ASXL1: variants seen among roughly 807,000 people sequenced by gnomAD.
The protein encoded by ASXL1 is ASXL transcriptional regulator 1.
A neutral mutation model predicts 89.1 loss-of-function variants in ASXL1; 65 were observed. The ratio of observed to expected loss-of-function variants is 0.73; its 90% confidence interval spans 0.60 to 0.90. The LOEUF is 0.90. Ranked by LOEUF, ASXL1 falls within the 40% of genes least tolerant of loss-of-function variation. The pLI, the probability that ASXL1 is intolerant of heterozygous loss-of-function variation, is 0.00. For missense variants in ASXL1, 1,786 were observed against 1,942.9 expected (o/e 0.92, Z 1.52); for synonymous variants, 739 against 746.9 (o/e 0.99, Z 0.17).
chr20:32,362,418 C>CCT (rs1362022548), intron 1 of ASXL1, among the ~76,000 whole-genome samples: 102 of 152,226 alleles, frequency 6.7e-4, no homozygotes, highest in African/African-American at 2.3e-3. Flanking sequence ...GGGCGGATCA[C>CCT]GAGGTCAGGA....
intron 4 of ASXL1, among the ~76,000 whole-genome samples, chr20:32,400,567 T>C (rs1270962100): frequency 6.6e-6 from 1 of 152,128 alleles, no homozygotes; most frequent in Non-Finnish European, 1.5e-5. Flanking sequence ...TCATAATTCT[T>C]TTGGGTGTTG....
intron 4 of ASXL1, among the ~76,000 whole-genome samples, chr20:32,415,097 C>A (rs996652927): frequency 6.6e-6 from 1 of 152,138 alleles, no homozygotes; most frequent in Non-Finnish European, 1.5e-5. Context: ...CAACCTCTAC[C>A]TCCTGGGTTC....
At chr20:32,411,215 C>CCTTT (rs2049039554) in intron 4 of ASXL1, among the ~76,000 whole-genome samples, 1 of 53,394 alleles carries the variant, frequency 1.9e-5, no homozygotes, top group Admixed American at 3.3e-4. Flanking sequence ...TTTATGGATT[C>CCTTT]TTTTTTTTTT....
At chr20:32,415,900 T>C (rs1273499440) in intron 4 of ASXL1, among the ~76,000 whole-genome samples, 1 of 151,536 alleles carries the variant, frequency 6.6e-6, no homozygotes, top group Admixed American at 6.6e-5. Context: ...CCAAATACCA[T>C]TAAACAAAAG....
intron 10 of ASXL1, chr20:32,432,422 C>CT (rs1408317475): frequency 9.7e-6 from 2 of 205,742 alleles, no homozygotes; most frequent in Non-Finnish European, 2.0e-5. Flanking sequence ...ACATACCCAG[C>CT]TTCCAGATTC....
chr20:32,432,728 T>C (rs372096421), intron 10 of ASXL1, 152 bp from the exon 11 acceptor site: 6 of 920,358 alleles, frequency 6.5e-6, no homozygotes, highest in East Asian at 5.5e-5. Flanking sequence ...ATTTCCCTTA[T>C]AGTAGATGTG....
At chr20:32,408,416 A>C (rs1253411785) in intron 4 of ASXL1, among the ~76,000 whole-genome samples, 2 of 152,166 alleles carry the variant, frequency 1.3e-5, no homozygotes, top group Non-Finnish European at 2.9e-5. Context: ...GTTCTGTTCC[A>C]TTAATCTATC....
chr20:32,398,766 C>T (rs1334173713), intron 4 of ASXL1, among the ~76,000 whole-genome samples: 7 of 151,412 alleles, frequency 4.6e-5, no homozygotes, highest in Non-Finnish European at 7.4e-5. Context: ...CCCGCCACTA[C>T]GCCCGGCTCA....
At chr20:32,386,349 T>G (rs1032572576) in intron 4 of ASXL1, among the ~76,000 whole-genome samples, 1 of 152,102 alleles carries the variant, frequency 6.6e-6, no homozygotes, top group Non-Finnish European at 1.5e-5. Flanking sequence ...CTTTTTCTCA[T>G]GGAATGGAAT....
In ASXL1 at chr20:32,437,153, G is replaced by A. The variant is rs755830073; in HGVS notation, c.4441G>A (p.Gly1481Ser). 6.2e-7 allele frequency: 1 copy of A among 1,614,152 alleles called. No individual in the cohort carries two copies. The highest frequency in any genetic ancestry group is 1.1e-5 in the South Asian group (1 of 91,086). Residue 1481 changes from glycine to serine, a missense_variant, in exon 13 of 13, where the codon GGT (glycine) becomes AGT (serine). Gly to Ser is a moderately conservative substitution (Grantham distance 56, BLOSUM62 0). Coordinates refer to ENST00000375687, the MANE Select transcript of ASXL1 (RefSeq NM_015338.6). ...GCAGCTGAGCCACAAAGCAAACTTT[G>A]GTGCGAGCCACAGTGCATCACTTTC... ...VVQLSHKANF[G>S]ASHSASLSLQ...
chr20:32,391,423 T>C (rs1418380636), intron 4 of ASXL1, among the ~76,000 whole-genome samples: 2 of 152,180 alleles, frequency 1.3e-5, no homozygotes, highest in East Asian at 3.8e-4. Context: ...AATTTCTGTT[T>C]AACTTTTAAA....
intron 4 of ASXL1, among the ~76,000 whole-genome samples, chr20:32,422,253 A>C (rs1257922814): frequency 6.6e-6 from 1 of 150,894 alleles, no homozygotes; most frequent in Non-Finnish European, 1.5e-5. Context: ...GAAATGTTCT[A>C]TATCTTGATA....
At chr20:32,375,077 C>T (rs957516681) in intron 4 of ASXL1, among the ~76,000 whole-genome samples, 8 of 151,990 alleles carry the variant, frequency 5.3e-5, no homozygotes, top group Admixed American at 3.9e-4. Flanking sequence ...GAACTCCTGA[C>T]CTCAAGGCCT....
Position 32,429,553 on chromosome 20 carries a change from G to A in ASXL1, c.565+122G>A, listed in dbSNP as rs927875037. 20 of 1,063,682 alleles carry A rather than the reference G, an allele frequency of 1.9e-5. No individual in the cohort carries two copies. The African/African-American group carries it at 1.9e-4, about 10-fold the overall frequency. The allele number at this position is 1,063,682 out of a possible 1,614,324, so 65.9% of individuals were successfully genotyped here. On this transcript the variant is annotated intron_variant, in intron 7 of 12. Coordinates refer to ENST00000375687, the MANE Select transcript of ASXL1 (RefSeq NM_015338.6). This position sits in a 1 kb window ranked among gnomAD's most constrained non-coding sequence, Gnocchi z 4.9. ...GAGAGCTGTCGGGCCACAGGCAAGA[G>A]CCCTGCCAATGGATGAGGCCTGCCA...
intron 4 of ASXL1, among the ~76,000 whole-genome samples, chr20:32,412,369 C>T (rs757945068): frequency 1.3e-5 from 2 of 152,122 alleles, no homozygotes; most frequent in African/African-American, 2.4e-5. Context: ...CTAACTAGAA[C>T]TCAGTATTTG....
At chr20:32,376,814 TTTATATA>T (rs55654507) in intron 4 of ASXL1, among the ~76,000 whole-genome samples, 47,440 of 138,372 alleles carry the variant, frequency 0.34, 9,253 homozygotes, top group Middle Eastern at 0.53. Context: ...TATAATGTAT[TTTATATA>T]TTATATATTA....
chr20:32,425,043 C>T (rs1433842605), intron 4 of ASXL1, among the ~76,000 whole-genome samples: 1 of 152,110 alleles, frequency 6.6e-6, no homozygotes, highest in Non-Finnish European at 1.5e-5. Context: ...CTTTAGATTA[C>T]CTACCCGTCT....
intron 4 of ASXL1, among the ~76,000 whole-genome samples, chr20:32,413,570 T>G (rs2049086303): frequency 6.6e-6 from 1 of 152,210 alleles, no homozygotes; most frequent in African/African-American, 2.4e-5. Flanking sequence ...GGAGCCATCT[T>G]TTTTCCTGCT....
chr20:32,436,807 C>T lies in ASXL1; in HGVS notation c.4095C>T (p.Gly1365=), dbSNP rs200076102. 5.0e-6 allele frequency: 8 copies of T among 1,614,202 alleles called. No individual in the cohort carries two copies. The East Asian group carries it at 1.6e-4, about 31-fold the overall frequency. ...CTCCAAAGCCACATGCCTTTGTTGG[C>T]AGCGTCAAGAATGAGAAGACTTTTG... ...DWAPKPHAFV[G]SVKNEKTFVG... is the part of the protein sequence containing the mutation. Residue 1365 remains glycine, a synonymous_variant, in exon 13 of 13, where the codon GGC becomes GGT. Coordinates refer to ENST00000375687, the MANE Select transcript of ASXL1 (RefSeq NM_015338.6).
Sources: allele counts gnomAD v4.1 joint callset (sites outside exome capture counted in the v4.1 genomes callset), GRCh38; gene constraint gnomAD v4.1.1; non-coding constraint Gnocchi (gnomAD v3.1); transcripts MANE v1.5; gene names NCBI Gene and HGNC (gene_info 2026-07-23, HGNC 2026-07-21).